INO80: variants seen among roughly 807,000 people sequenced by gnomAD.
The protein encoded by INO80 is INO80 complex ATPase subunit, also known as chromatin-remodeling ATPase INO80.
In INO80, 20 loss-of-function variants were observed where a neutral mutation model predicts 203.4. That is an observed-to-expected ratio of 0.10 (90% CI 0.07 to 0.14). INO80 has a LOEUF of 0.14. INO80 is among the 10% of genes least tolerant of loss of function. The pLI is 1.00. For missense variants in INO80, 1,419 were observed against 1,914.4 expected, an observed-to-expected ratio of 0.74 and a Z score of 4.83; for synonymous variants, 726 against 685.2, an observed-to-expected ratio of 1.06 and a Z score of -0.93.
intron 27 of INO80, chr15:41,013,161 AC>A (rs1421458696): frequency 2.0e-5 from 3 of 152,248 alleles, no homozygotes; most frequent in African/African-American, 7.2e-5. Context: ...CACATACTCC[AC>A]AGCAACACAG....
chr15:40,980,110 T>A lies in INO80; in HGVS notation c.*113A>T. 1.2e-6 allele frequency: 1 copy of A among 865,638 alleles called. No individual in the cohort carries two copies. 53.6% of individuals were successfully genotyped at this position (865,638 alleles called of 1,614,324 possible). On this transcript the variant is annotated 3_prime_UTR_variant, in exon 36 of 36. Transcript: ENST00000648947. ...GCCTGTCCTTCCCCTGCTGGACATTTCCACTTCTGACTCAGGATGCAAGAT... is the reference window on the plus strand; with the variant it reads ...GCCTGTCCTTCCCCTGCTGGACATTACCACTTCTGACTCAGGATGCAAGAT...
intron 23 of INO80, among the ~76,000 whole-genome samples, chr15:41,045,882 C>G (rs1487105338): frequency 7.0e-6 from 1 of 141,954 alleles, no homozygotes; most frequent in Non-Finnish European, 1.5e-5. Context: ...ACCTAGGCGA[C>G]CGAGTGAGAC....
intron 9 of INO80, among the ~76,000 whole-genome samples, chr15:41,077,648 C>T (rs1334538792): frequency 6.6e-6 from 1 of 151,436 alleles, no homozygotes; most frequent in Non-Finnish European, 1.5e-5. Context: ...GCAGCCTCAA[C>T]ATCCCAGGCT....
intron 35 of INO80, among the ~76,000 whole-genome samples, chr15:40,980,712 C>A (rs1313307129): frequency 1.3e-5 from 2 of 152,230 alleles, no homozygotes; most frequent in African/African-American, 4.8e-5. Flanking sequence ...CATCTTGACA[C>A]TCTAGATAGA....
At chr15:41,091,288 G>A (rs1483564368) in intron 5 of INO80, among the ~76,000 whole-genome samples, 1 of 152,166 alleles carries the variant, frequency 6.6e-6, no homozygotes, top group Non-Finnish European at 1.5e-5. Context: ...TCGAACTCCT[G>A]ACCTCAACTG....
At position 41,084,207 on chromosome 15, in the gene INO80, A is replaced by C. The variant is rs187978569; in HGVS notation, c.873+1162T>G. Among the ~76,000 whole-genome samples the C allele has an allele frequency of 2.0e-3, 306 of 152,222 alleles. 5 individuals are homozygous for C. In the South Asian group the frequency reaches 0.027, roughly 13 times the overall value. Reference sequence around the variant, plus strand: ...TAATTGCAACTTCTTTAAAAAAAAAAAAAAAACGCTACATATGGCATCTGG... The same window carrying C: ...TAATTGCAACTTCTTTAAAAAAAAACAAAAAACGCTACATATGGCATCTGG... On this transcript the variant is annotated intron_variant, in intron 7 of 35. Coordinates refer to ENST00000648947, the MANE Select transcript of INO80 (RefSeq NM_017553.3).
At chr15:41,084,653 G>T (rs1299898317) in intron 7 of INO80, among the ~76,000 whole-genome samples, 1 of 152,150 alleles carries the variant, frequency 6.6e-6, no homozygotes, top group Non-Finnish European at 1.5e-5. Flanking sequence ...TTTTATTCTA[G>T]TGCCTGTGAT....
At chr15:41,044,113 A>T (rs1003442921) in intron 24 of INO80, among the ~76,000 whole-genome samples, 3 of 152,260 alleles carry the variant, frequency 2.0e-5, no homozygotes, top group Non-Finnish European at 4.4e-5. Flanking sequence ...ATGTAAATTT[A>T]TAAAACTATT....
At chr15:41,076,466 CTTT>C (rs566456701) in intron 9 of INO80, among the ~76,000 whole-genome samples, 9 of 144,178 alleles carry the variant, frequency 6.2e-5, no homozygotes, top group African/African-American at 1.5e-4. Context: ...TGCAAACTTT[CTTT>C]TTTTTTTTTT....
At chr15:41,060,679 G>A (rs969450626) in intron 14 of INO80, among the ~76,000 whole-genome samples, 2 of 152,182 alleles carry the variant, frequency 1.3e-5, no homozygotes, top group African/African-American at 4.8e-5. Context: ...CAAGGTAGTA[G>A]TAACAGTAAA....
intron 25 of INO80, among the ~76,000 whole-genome samples, chr15:41,022,226 C>T (rs1219898486): frequency 6.6e-6 from 1 of 152,134 alleles, no homozygotes; most frequent in African/African-American, 2.4e-5. Context: ...GGAGAAACAG[C>T]GTATGAGAAG....
At chr15:41,027,974 T>A (rs1168302990) in intron 24 of INO80, 2 of 280,640 alleles carry the variant, frequency 7.1e-6, no homozygotes, top group Non-Finnish European at 1.3e-5. Context: ...TAATTCTACC[T>A]TTTTCTGGAA....
chr15:40,992,470 C>T (rs1358417992), intron 29 of INO80, among the ~76,000 whole-genome samples: 1 of 152,184 alleles, frequency 6.6e-6, no homozygotes, highest in African/African-American at 2.4e-5. Flanking sequence ...TACATTTTTA[C>T]ATATGCATTC....
rs1388772482 is a variant in INO80, at chr15:41,087,795, T to C, written c.538-113A>G. On this transcript the variant is annotated intron_variant, in intron 5 of 35. Coordinates refer to ENST00000648947, the MANE Select transcript of INO80 (RefSeq NM_017553.3). ...TCATAGCTCCTAAATACAGTATTCTTCCCACAAAGAGATCAGTAACATCTA... is the reference window on the plus strand; with the variant it reads ...TCATAGCTCCTAAATACAGTATTCTCCCCACAAAGAGATCAGTAACATCTA... 2.2e-5 allele frequency: 23 copies of C among 1,052,412 alleles called. No individual in the cohort carries two copies. The Admixed American group carries it at 6.9e-4, about 32-fold the overall frequency. The allele number at this position is 1,052,412 out of a possible 1,614,324, so 65.2% of individuals were successfully genotyped here.
At chr15:41,068,311 TC>T (rs2045255580) in intron 14 of INO80, among the ~76,000 whole-genome samples, 2 of 152,116 alleles carry the variant, frequency 1.3e-5, no homozygotes, top group Non-Finnish European at 2.9e-5. Flanking sequence ...TCTCAGCACT[TC>T]AGGAGGCTGA....
In INO80 at chr15:41,056,719, A is replaced by G. The variant is rs773790222; in HGVS notation, c.1986-13T>C. On this transcript the variant is annotated splice_polypyrimidine_tract_variant and intron_variant, in intron 16 of 35. Coordinates refer to ENST00000648947, the MANE Select transcript of INO80 (RefSeq NM_017553.3). Reference sequence around the variant, plus strand: ...CTTCCAACGAACACTGTTTGATAAAATAAGTTACAAATTCATGTTAGCAAT... The same window carrying G: ...CTTCCAACGAACACTGTTTGATAAAGTAAGTTACAAATTCATGTTAGCAAT... 91 of 1,607,630 alleles carry G rather than the reference A, an allele frequency of 5.7e-5. 2 individuals carry two copies. The South Asian group carries it at 9.4e-4, about 17-fold the overall frequency.
chr15:41,052,813 T>C (rs2044903244), intron 19 of INO80, among the ~76,000 whole-genome samples: 1 of 140,796 alleles, frequency 7.1e-6, no homozygotes, highest in African/African-American at 2.7e-5. Flanking sequence ...TCCTTTGAAC[T>C]CAGTTTGAGA....
chr15:41,083,712 CAAA>C (rs10706037), intron 7 of INO80, among the ~76,000 whole-genome samples: 2 of 85,614 alleles, frequency 2.3e-5, no homozygotes. Context: ...GACTCCGTCT[CAAA>C]AAAAAAAAAA....
intron 9 of INO80, among the ~76,000 whole-genome samples, chr15:41,076,465 T>A (rs2045404429): frequency 6.9e-6 from 1 of 144,514 alleles, no homozygotes; most frequent in Non-Finnish European, 1.5e-5. Context: ...GTGCAAACTT[T>A]CTTTTTTTTT....
Sources: gnomAD v4.1 joint callset for allele counts (sites outside exome capture counted in the v4.1 genomes callset) on GRCh38, gnomAD v4.1.1 for gene constraint, MANE v1.5 for transcripts, NCBI Gene and HGNC (gene_info 2026-07-23, HGNC 2026-07-21) for gene names.